HDAC9: variants seen among roughly 807,000 people sequenced by gnomAD.
The protein encoded by HDAC9 is histone deacetylase 9.
In HDAC9, 41 loss-of-function variants were observed where a neutral mutation model predicts 139.4. The observed-to-expected ratio is 0.29, with a 90% confidence interval of 0.23 to 0.38. The LOEUF (loss-of-function observed/expected upper bound fraction) is 0.38. Ranked by LOEUF, HDAC9 falls within the 10% of genes least tolerant of loss-of-function variation. The pLI is 1.00. For missense variants in HDAC9, 1,147 were observed against 1,297.0 expected, an observed-to-expected ratio of 0.88 and a Z score of 1.78; for synonymous variants, 517 against 476.2, an observed-to-expected ratio of 1.09 and a Z score of -1.12.
chr7:18,565,786 T>A (rs1267536532), intron 2 of HDAC9, among the ~76,000 whole-genome samples: 8 of 152,142 alleles, frequency 5.3e-5, no homozygotes, highest in Non-Finnish European at 4.4e-5. Context: ...GAAATCTTTT[T>A]ATGTTAACCA....
chr7:18,113,344 G>T (rs2128085410), intron 1 of HDAC9, among the ~76,000 whole-genome samples: 1 of 152,234 alleles, frequency 6.6e-6, no homozygotes, highest in Admixed American at 6.5e-5. Flanking sequence ...TGTTTTTCTA[G>T]GCTGAAATAT....
intron 1 of HDAC9, among the ~76,000 whole-genome samples, chr7:18,132,616 A>G (rs1431888010): frequency 6.6e-6 from 1 of 152,126 alleles, no homozygotes; most frequent in African/African-American, 2.4e-5. Context: ...ATCCAAAAAC[A>G]TTCCTTTCTG....
At chr7:18,130,215 GGTGCTCAAAAC>G (rs1784915872) in intron 1 of HDAC9, among the ~76,000 whole-genome samples, 1 of 152,000 alleles carries the variant, frequency 6.6e-6, no homozygotes, top group Non-Finnish European at 1.5e-5. Flanking sequence ...GCATCATGTC[GGTGCTCAAAAC>G]GTTTCAGATT....
intron 1 of HDAC9, among the ~76,000 whole-genome samples, chr7:18,123,287 A>T (rs1458346348): frequency 6.6e-6 from 1 of 152,192 alleles, no homozygotes; most frequent in Non-Finnish European, 1.5e-5. Flanking sequence ...TCCAAATGTG[A>T]TTTTTGCAGC....
At chr7:18,541,349 C>T (rs76658475) in intron 2 of HDAC9, among the ~76,000 whole-genome samples, 3,536 of 151,884 alleles carry the variant, frequency 0.023, 159 homozygotes, top group African/African-American at 0.08. Context: ...TCCAGAAGAG[C>T]GAAAGTAGCT....
chr7:18,656,571 T>A (rs1429908371), intron 11 of HDAC9, among the ~76,000 whole-genome samples: 1 of 152,186 alleles, frequency 6.6e-6, no homozygotes. Context: ...GTCAAGATAT[T>A]CAACCTTTTT....
chr7:18,423,874 G>A (rs1789870162), intron 1 of HDAC9, among the ~76,000 whole-genome samples: 1 of 152,216 alleles, frequency 6.6e-6, no homozygotes, highest in South Asian at 2.1e-4. Context: ...CACAGCAAGG[G>A]AAAGTGGACT....
chr7:18,697,260 A>C (rs57569935), intron 12 of HDAC9, among the ~76,000 whole-genome samples: 5,302 of 152,232 alleles, frequency 0.035, 237 homozygotes, highest in African/African-American at 0.1. Context: ...GGGAGATGGG[A>C]TCATTAGCCT....
At chr7:18,835,320 A>G in intron 19 of HDAC9, 147 bp from the exon 20 acceptor site, 1 of 875,934 alleles carries the variant, frequency 1.1e-6, no homozygotes, top group Non-Finnish European at 1.7e-6. Context: ...AAGCAGGCTG[A>G]AAGGGAGAAA....
chr7:18,370,942 A>G (rs1784549580), intron 1 of HDAC9, among the ~76,000 whole-genome samples: 1 of 152,174 alleles, frequency 6.6e-6, no homozygotes, highest in African/African-American at 2.4e-5. Context: ...TCACATAAAC[A>G]GAACCACTTC....
chr7:18,751,951 A>G (rs969538436), intron 14 of HDAC9, among the ~76,000 whole-genome samples: 45 of 148,856 alleles, frequency 3.0e-4, no homozygotes, highest in African/African-American at 9.6e-4. Context: ...TCCCAAGTCC[A>G]TTTTTTTTTT....
At chr7:18,513,711 C>T (rs776707716) in intron 2 of HDAC9, among the ~76,000 whole-genome samples, 4 of 152,208 alleles carry the variant, frequency 2.6e-5, no homozygotes, top group Non-Finnish European at 5.9e-5. Context: ...TAGCTGTCTT[C>T]TCTGGCATCT....
At chr7:18,402,356 T>C (rs1316851686) in intron 1 of HDAC9, among the ~76,000 whole-genome samples, 1 of 152,078 alleles carries the variant, frequency 6.6e-6, no homozygotes, top group African/African-American at 2.4e-5. Context: ...ATGAAGTAAA[T>C]CTTAAAGACT....
At chr7:18,797,674 A>C (rs901340774) in intron 17 of HDAC9, among the ~76,000 whole-genome samples, 23 of 151,938 alleles carry the variant, frequency 1.5e-4, no homozygotes, top group Non-Finnish European at 1.3e-4. Flanking sequence ...CTAAAAATAC[A>C]AAAAATTAGC....
At chr7:18,275,246 C>T (rs1796641492) in intron 2 of HDAC9, among the ~76,000 whole-genome samples, 1 of 152,196 alleles carries the variant, frequency 6.6e-6, no homozygotes, top group South Asian at 2.1e-4. Context: ...TCTGTACCTT[C>T]AATACATAAG....
Position 18,371,702 on chromosome 7 carries a change from T to C in HDAC9, c.-42+81187T>C, listed in dbSNP as rs542695854. Among the ~76,000 whole-genome samples the C allele has an allele frequency of 5.4e-4, 82 of 152,320 alleles. 1 individual carries two copies. In the South Asian group the frequency reaches 6.4e-3, roughly 12 times the overall value. ...CTTTTCTCATACCTTTTTAATATGT[T>C]TGAAATAAAAAATAATTATGAGATC... On this transcript the variant is annotated intron_variant, in intron 1 of 3. Coordinates refer to the HDAC9 transcript ENST00000413509.
intron 1 of HDAC9, among the ~76,000 whole-genome samples, chr7:18,313,910 T>A (rs1225368932): frequency 6.6e-6 from 1 of 152,132 alleles, no homozygotes; most frequent in Non-Finnish European, 1.5e-5. Context: ...TTAGAGACAT[T>A]TGATATATTT....
chr7:18,126,933 T>C (rs1448761788), intron 1 of HDAC9, among the ~76,000 whole-genome samples: 1 of 152,198 alleles, frequency 6.6e-6, no homozygotes, highest in East Asian at 1.9e-4. Context: ...AGTATCTTTC[T>C]AATCCAAGTT....
chr7:18,806,445 C>A (rs1013121347), intron 17 of HDAC9, among the ~76,000 whole-genome samples: 1 of 152,120 alleles, frequency 6.6e-6, no homozygotes, highest in African/African-American at 2.4e-5. Context: ...GCCCTTAGCT[C>A]CTAGAGTACT....
Sources: allele counts gnomAD v4.1 joint callset (sites outside exome capture counted in the v4.1 genomes callset), GRCh38; gene constraint gnomAD v4.1.1; transcripts MANE v1.5; gene names NCBI Gene and HGNC (gene_info 2026-07-23, HGNC 2026-07-21).